Variants in ZNF385D observed in about 807,000 individuals in gnomAD.
ZNF385D encodes zinc finger protein 385D.
ZNF385D carries 15 observed loss-of-function variants against 35.8 expected under a neutral mutation model. That is an observed-to-expected ratio of 0.42 (90% CI 0.28 to 0.64). ZNF385D has a LOEUF of 0.64. Ranked by LOEUF, ZNF385D falls within the 30% of genes least tolerant of loss-of-function variation. The pLI, the probability that ZNF385D is intolerant of heterozygous loss-of-function variation, is 0.23. For missense variants in ZNF385D, 474 were observed against 494.6 expected, an observed-to-expected ratio of 0.96 and a Z score of 0.39; for synonymous variants, 212 against 186.8, an observed-to-expected ratio of 1.13 and a Z score of -1.10.
At chr3:21,699,689 CT>C (rs1575485786) in intron 1 of ZNF385D, among the ~76,000 whole-genome samples, 1 of 151,594 alleles carries the variant, frequency 6.6e-6, no homozygotes, top group African/African-American at 2.4e-5. Flanking sequence ...TGAAATAATA[CT>C]TTTGATATAT....
intron 2 of ZNF385D, among the ~76,000 whole-genome samples, chr3:22,225,984 C>T (rs1167401712): frequency 6.6e-6 from 1 of 152,140 alleles, no homozygotes; most frequent in Admixed American, 6.5e-5. Context: ...TCAATCTTAA[C>T]CCATCTCCCA....
intron 3 of ZNF385D, among the ~76,000 whole-genome samples, chr3:22,016,068 C>G (rs1373208696): frequency 6.6e-6 from 1 of 152,066 alleles, no homozygotes; most frequent in Admixed American, 6.6e-5. Flanking sequence ...TTTACTTATT[C>G]ATATTTGCAG....
chr3:22,344,573 G>GT (rs200662715), intron 2 of ZNF385D, among the ~76,000 whole-genome samples: 7,691 of 151,286 alleles, frequency 0.051, 632 homozygotes, highest in African/African-American at 0.18. Context: ...GGTTTTCTTT[G>GT]TTTTTTTGTT....
At chr3:21,897,783 A>C (rs953555667) in intron 3 of ZNF385D, among the ~76,000 whole-genome samples, 3 of 152,258 alleles carry the variant, frequency 2.0e-5, no homozygotes, top group African/African-American at 7.2e-5. Context: ...ATATGCGCAG[A>C]ACTTCATATA....
chr3:22,178,761 A>C (rs986222410), intron 2 of ZNF385D, among the ~76,000 whole-genome samples: 6 of 152,338 alleles, frequency 3.9e-5, no homozygotes, highest in African/African-American at 1.2e-4. Flanking sequence ...TAATTTTTGT[A>C]TAACGTGTAA....
At chr3:22,184,157 G>A (rs2125783878) in intron 2 of ZNF385D, among the ~76,000 whole-genome samples, 1 of 152,186 alleles carries the variant, frequency 6.6e-6, no homozygotes, top group East Asian at 1.9e-4. Flanking sequence ...GTGGCCTCCA[G>A]CAAACCCTTC....
intron 3 of ZNF385D, among the ~76,000 whole-genome samples, chr3:21,993,705 C>T (rs1442610052): frequency 1.3e-5 from 2 of 152,108 alleles, no homozygotes; most frequent in African/African-American, 2.4e-5. Context: ...AATCACAATG[C>T]AATGTTCCTT....
chr3:22,111,347 T>A (rs531908488), intron 3 of ZNF385D, among the ~76,000 whole-genome samples: 41 of 151,884 alleles, frequency 2.7e-4, no homozygotes, highest in African/African-American at 9.4e-4. Flanking sequence ...TATGAGAGCT[T>A]CAATTTAGTA....
intron 2 of ZNF385D, among the ~76,000 whole-genome samples, chr3:22,198,502 C>G (rs1326249247): frequency 6.6e-6 from 1 of 151,860 alleles, no homozygotes; most frequent in African/African-American, 2.4e-5. Context: ...ATAAAGAAAA[C>G]AAGAGAGAAG....
In ZNF385D at chr3:22,244,558, T is replaced by C. The variant is rs1053942228; in HGVS notation, c.107-75523A>G. ...ATGATCAAATCCAAAATGAGATGCTTAGAATGATTAATATTTAATGTCCCT... is the reference window on the plus strand; with the variant it reads ...ATGATCAAATCCAAAATGAGATGCTCAGAATGATTAATATTTAATGTCCCT... On this transcript the variant is annotated intron_variant, in intron 2 of 5. Transcript: ENST00000494108. 5.3e-5 allele frequency among the ~76,000 whole-genome samples: 8 copies of C among 150,788 alleles called. 1 individual carries two copies. Among genetic ancestry groups the C allele is most frequent in the Non-Finnish European group, 1.0e-4 (7 of 67,908 alleles).
chr3:22,314,929 G>A (rs1423603556), intron 2 of ZNF385D, among the ~76,000 whole-genome samples: 1 of 152,122 alleles, frequency 6.6e-6, no homozygotes, highest in Non-Finnish European at 1.5e-5. Flanking sequence ...CTATGATCAA[G>A]GGGAAAATGA....
chr3:22,126,398 T>G (rs1703434480), intron 3 of ZNF385D, among the ~76,000 whole-genome samples: 1 of 150,282 alleles, frequency 6.7e-6, no homozygotes, highest in African/African-American at 2.4e-5. Context: ...ATGTTGTGTT[T>G]CCATTTTCAT....
At chr3:21,748,306 C>A (rs912955179) in intron 1 of ZNF385D, among the ~76,000 whole-genome samples, 1 of 151,898 alleles carries the variant, frequency 6.6e-6, no homozygotes, top group Admixed American at 6.6e-5. Context: ...ACACAACTGA[C>A]TCCAACTAAG....
chr3:22,247,572 C>T (rs904596919), intron 2 of ZNF385D, among the ~76,000 whole-genome samples: 1 of 151,906 alleles, frequency 6.6e-6, no homozygotes, highest in Admixed American at 6.5e-5. Context: ...ATTTGTTTTT[C>T]AATATTTAAC....
chr3:21,647,855 A>T (rs1226222337), intron 2 of ZNF385D, among the ~76,000 whole-genome samples: 1 of 152,196 alleles, frequency 6.6e-6, no homozygotes, highest in Non-Finnish European at 1.5e-5. Flanking sequence ...AGAATAAAAT[A>T]ATCATTGATC....
intron 3 of ZNF385D, among the ~76,000 whole-genome samples, chr3:21,557,491 G>C (rs1330355321): frequency 6.6e-6 from 1 of 152,168 alleles, no homozygotes; most frequent in Non-Finnish European, 1.5e-5. Context: ...TGTTGAACCA[G>C]CCTTGCATCC....
At chr3:22,167,923 T>C (rs909544351) in intron 3 of ZNF385D, among the ~76,000 whole-genome samples, 11 of 152,182 alleles carry the variant, frequency 7.2e-5, no homozygotes, top group African/African-American at 2.4e-4. Context: ...GAAAACCACA[T>C]AAAGCAATGC....
intron 3 of ZNF385D, among the ~76,000 whole-genome samples, chr3:21,934,598 G>A (rs1701172031): frequency 6.6e-6 from 1 of 152,072 alleles, no homozygotes; most frequent in South Asian, 2.1e-4. Flanking sequence ...ACTATTTATT[G>A]ACTACATCAC....
At chr3:21,680,025 T>G (rs897220497) in intron 1 of ZNF385D, among the ~76,000 whole-genome samples, 3 of 152,110 alleles carry the variant, frequency 2.0e-5, no homozygotes, top group Non-Finnish European at 4.4e-5. Context: ...ATAGCTGACT[T>G]GGAATCTGGG....
Sources: gnomAD v4.1 joint callset for allele counts (sites outside exome capture counted in the v4.1 genomes callset) on GRCh38, gnomAD v4.1.1 for gene constraint, MANE v1.5 for transcripts, NCBI Gene and HGNC (gene_info 2026-07-23, HGNC 2026-07-21) for gene names.